FBXL16: variants seen among roughly 807,000 people sequenced by gnomAD.
The protein encoded by FBXL16 is F-box and leucine rich repeat protein 16, also known as F-box/LRR-repeat protein 16.
A neutral mutation model predicts 36.7 loss-of-function variants in FBXL16; 7 were observed. The observed-to-expected ratio is 0.19, with a 90% CI of 0.11 to 0.36. The LOEUF (loss-of-function observed/expected upper bound fraction) is 0.36. FBXL16 is among the 10% of genes least tolerant of loss of function. FBXL16 has a pLI of 1.00. For missense variants in FBXL16, 463 were observed against 659.4 expected (o/e 0.70, Z 3.26); for synonymous variants, 355 against 308.7 (o/e 1.15, Z -1.57).
At chr16:700,631 C>G (rs964461128) in intron 1 of FBXL16, among the ~76,000 whole-genome samples, 2 of 152,118 alleles carry the variant, frequency 1.3e-5, no homozygotes, top group Non-Finnish European at 2.9e-5. Context: ...TGCCGGCGCC[C>G]GAGGCGGCAG....
At chr16:705,310 G>T (rs1180765227) in intron 1 of FBXL16, among the ~76,000 whole-genome samples, 1 of 151,568 alleles carries the variant, frequency 6.6e-6, no homozygotes, top group African/African-American at 2.4e-5. Context: ...GGGCCGGGGC[G>T]CGGGGCTGCG....
At chr16:703,618 G>A (rs1393676317) in intron 1 of FBXL16, among the ~76,000 whole-genome samples, 1 of 152,146 alleles carries the variant, frequency 6.6e-6, no homozygotes, top group Non-Finnish European at 1.5e-5. Flanking sequence ...GCACACCCGC[G>A]TCCCTGCCAC....
At chr16:695,970 A>AG in intron 2 of FBXL16, 47 bp from the exon 3 acceptor site, 2 of 1,538,486 alleles carry the variant, frequency 1.3e-6, no homozygotes, top group Non-Finnish European at 1.8e-6. Flanking sequence ...GAAGGGGTGG[A>AG]GCCCGCAGGG....
At position 697,925 on chromosome 16, in the gene FBXL16, G is replaced by A. The variant is rs953541749; in HGVS notation, c.-14-506C>T. On this transcript the variant is annotated intron_variant, in intron 1 of 5. Coordinates refer to ENST00000397621, the MANE Select transcript of FBXL16 (RefSeq NM_153350.4). This position sits in a 1 kb window ranked among gnomAD's most constrained non-coding sequence, Gnocchi z 4.6. ...TGCAGCAGGAGAATGACGTGAACCC[G>A]GGAGGCGGAGCTTGCAGTGAGCCGA... Among the ~76,000 whole-genome samples, 3 of 151,864 alleles carry A rather than the reference G, an allele frequency of 2.0e-5. No individual in the cohort carries two copies. Among genetic ancestry groups the A allele is most frequent in the Admixed American group, 6.6e-5 (1 of 15,234 alleles).
At chr16:694,576 T>C (rs1274547732) in intron 5 of FBXL16, 58 bp downstream of exon 5, 1 of 1,549,238 alleles carries the variant, frequency 6.5e-7, no homozygotes, top group Non-Finnish European at 8.8e-7. Flanking sequence ...GTTGGGCGGG[T>C]GGACTAAGTG....
intron 1 of FBXL16, among the ~76,000 whole-genome samples, chr16:705,277 G>C (rs1371771293): frequency 6.6e-6 from 1 of 152,154 alleles, no homozygotes; most frequent in East Asian, 1.9e-4. Context: ...TGGCCAGTGG[G>C]GAGCGGCCCT....
intron 3 of FBXL16, 128 bp from the exon 4 acceptor site, chr16:695,204 G>A: frequency 4.2e-6 from 5 of 1,179,172 alleles, no homozygotes; most frequent in Non-Finnish European, 5.9e-6. Flanking sequence ...GCCCCTCCTC[G>A]CTCCCACCCA....
rs568666782 is a variant in FBXL16, at chr16:695,365, T to C, written c.1142+50A>G. 3.6e-3 allele frequency: 4,389 copies of C among 1,219,264 alleles called. 13 individuals carry two copies. Among genetic ancestry groups the C allele is most frequent in the Non-Finnish European group, 4.4e-3 (4,193 of 944,720 alleles). 75.5% of individuals were successfully genotyped at this position (1,219,264 alleles called of 1,614,324 possible). A position where few individuals can be genotyped will look rare whatever the true frequency, so the allele number is the denominator to read the frequency against. ...TGCAGCCCCGCCCCGCCCCGCCCCGTGCAGCCCCGCCCGGCCCAGCCCCGC... is the reference window on the plus strand; with the variant it reads ...TGCAGCCCCGCCCCGCCCCGCCCCGCGCAGCCCCGCCCGGCCCAGCCCCGC... On this transcript the variant is annotated intron_variant, in intron 3 of 5. Transcript: ENST00000397621.
rs776971848 is a variant in FBXL16, at chr16:696,875, G to A, written c.531C>T (p.Ser177=). 48 of 1,609,308 alleles carry A rather than the reference G, an allele frequency of 3.0e-5. No individual in the cohort carries two copies. In the South Asian group the frequency reaches 3.1e-4, roughly 10 times the overall value. ...CAATGAACTCACAGATGTCCAGGTC[G>A]GAGACGCCAACCAGGCAGAAGCCCT... ...GFEGFCLVGV[S]DLDICEFIDN... The change falls in exon 2 of 6, where the codon TCC becomes TCT. Residue 177 remains serine (S), a synonymous_variant. Coordinates refer to ENST00000397621, the MANE Select transcript of FBXL16 (RefSeq NM_153350.4).
Position 695,693 on chromosome 16 carries a change from G to A in FBXL16, c.864C>T (p.Phe288=). 1 of 1,605,582 alleles carries A rather than the reference G, an allele frequency of 6.2e-7. No homozygotes were observed. Residue 288 remains phenylalanine, a synonymous_variant, in exon 3 of 6, where the codon TTC becomes TTT. Transcript: ENST00000397621. The part of the protein sequence containing the change: ...YHVTDTALAY[F]TARQGHSTHT... ...GCGTGCTGTGGCCCTGGCGCGCCGTGAAGTAGGCCAGCGCCGTGTCCGTCA... is the reference window on the plus strand; with the variant it reads ...GCGTGCTGTGGCCCTGGCGCGCCGTAAAGTAGGCCAGCGCCGTGTCCGTCA...
chr16:694,909 C>T (rs1567297567), intron 4 of FBXL16, 83 bp downstream of exon 4: 6 of 1,415,260 alleles, frequency 4.2e-6, no homozygotes, highest in Non-Finnish European at 4.7e-6. Flanking sequence ...CAGACTCTCC[C>T]AGGATCTGAG....
chr16:697,165 C>G lies in FBXL16; in HGVS notation c.241G>C (p.Ala81Pro), dbSNP rs202093624. The G allele has an allele frequency of 1.7e-4, 261 of 1,579,068 alleles. 1 individual carries two copies. The highest frequency in any genetic ancestry group is 1.6e-4 in the Non-Finnish European group (182 of 1,165,396). ...GGGTGCCCAGGTGCCAAGGCTGAGG[C>G]TGGTCCACCTGCCGGGGTGCACGGG... ...GGPCTPAGGPASALAPGHPAE... is the reference protein window; with the variant it reads ...GGPCTPAGGPPSALAPGHPAE... The change falls in exon 2 of 6, where the codon GCC (alanine) becomes CCC (proline). Residue 81 changes from alanine (A) to proline (P), a missense_variant. Physicochemically the swap from Ala to Pro is conservative, Grantham distance 27. This residue lies in a region of FBXL16 where 263 missense variants were observed against 341.1 expected (regional missense o/e 0.77). Coordinates refer to ENST00000397621, the MANE Select transcript of FBXL16 (RefSeq NM_153350.4). This position sits in a 1 kb window ranked among gnomAD's most constrained non-coding sequence, Gnocchi z 4.6.
chr16:703,604 G>A (rs1415284791), intron 1 of FBXL16, among the ~76,000 whole-genome samples: 1 of 152,094 alleles, frequency 6.6e-6, no homozygotes, highest in Non-Finnish European at 1.5e-5. Flanking sequence ...GCCCCGTGAC[G>A]CAGGCACACC....
chr16:698,913 C>CAAAAAAAAAAAAAAAAAAAAAAAAA (rs767619638), intron 1 of FBXL16, among the ~76,000 whole-genome samples: 1 of 89,734 alleles, frequency 1.1e-5, no homozygotes, highest in Non-Finnish European at 2.5e-5. Flanking sequence ...GACTTTGTCT[C>CAAAAAAAAAAAAAAAAAAAAAAAAA]AAAAAAAAAA....
chr16:704,897 C>G (rs2040080589), intron 1 of FBXL16, among the ~76,000 whole-genome samples: 1 of 152,244 alleles, frequency 6.6e-6, no homozygotes, highest in Non-Finnish European at 1.5e-5. Context: ...CTCCACCCAC[C>G]TAATCCCCAG....
intron 1 of FBXL16, among the ~76,000 whole-genome samples, chr16:699,112 G>C (rs1216081900): frequency 6.6e-6 from 1 of 152,228 alleles, no homozygotes; most frequent in Non-Finnish European, 1.5e-5. Context: ...CCACTGCACA[G>C]ATGAGGAAAC....
Position 694,143 on chromosome 16 carries a change from C to A in FBXL16, c.*132G>T. 1.8e-6 allele frequency: 1 copy of A among 556,868 alleles called. No homozygotes were observed. The highest frequency in any genetic ancestry group is 2.0e-5 in the African/African-American group (1 of 50,394). The allele number at this position is 556,868 out of a possible 1,614,324, so 34.5% of individuals were successfully genotyped here. A position where few individuals can be genotyped will look rare whatever the true frequency, so the allele number is the denominator to read the frequency against. ...CGGGGAGGGGCTTTCCCTCGGCTCGCCCCGCCTCCCGCGCTGGGCCGGGGG... is the reference window on the plus strand; with the variant it reads ...CGGGGAGGGGCTTTCCCTCGGCTCGACCCGCCTCCCGCGCTGGGCCGGGGG... On this transcript the variant is annotated 3_prime_UTR_variant, in exon 6 of 6. Coordinates refer to ENST00000397621, the MANE Select transcript of FBXL16 (RefSeq NM_153350.4).
At chr16:702,775 T>C (rs371109929) in intron 1 of FBXL16, among the ~76,000 whole-genome samples, 1 of 152,158 alleles carries the variant, frequency 6.6e-6, no homozygotes, top group South Asian at 2.1e-4. Flanking sequence ...ACCCCAGGGC[T>C]GGGGTGGGCC....
At position 697,098 on chromosome 16, in the gene FBXL16, T is replaced by C. The variant is rs751758925; in HGVS notation, c.308A>G (p.Asn103Ser). 45 of 1,607,970 alleles carry C rather than the reference T, an allele frequency of 2.8e-5. No homozygotes were observed. The highest frequency in any genetic ancestry group is 3.7e-5 in the Non-Finnish European group (43 of 1,177,508). Reference protein sequence around the residue: ...PPLATDEKILNGLFWYFSACE... With the variant: ...PPLATDEKILSGLFWYFSACE... ...GGCCGAGAAATACCAGAAGAGCCCA[T>C]TGAGGATCTTCTCGTCCGTGGCCAG... is the stretch of plus-strand genomic sequence containing the variant. The change falls in exon 2 of 6, where the codon AAT (asparagine) becomes AGT (serine). Residue 103 changes from asparagine to serine, a missense_variant. Around this residue, in one of 3 missense-constraint regions of FBXL16, gnomAD observed 263 missense variants for 341.1 expected, o/e 0.77. Transcript: ENST00000397621. The surrounding 1 kb of genome is among the most constrained non-coding windows in gnomAD (Gnocchi z 4.6).
Sources: allele counts gnomAD v4.1 joint callset (sites outside exome capture counted in the v4.1 genomes callset), GRCh38; gene constraint gnomAD v4.1.1; regional missense constraint gnomAD v4.1.1; non-coding constraint Gnocchi (gnomAD v3.1); transcripts MANE v1.5; gene names NCBI Gene and HGNC (gene_info 2026-07-23, HGNC 2026-07-21).